STS: variants seen among roughly 807,000 people sequenced by gnomAD.
The protein encoded by STS is steryl-sulfatase.
In STS, 7 loss-of-function variants were observed where a neutral mutation model predicts 26.8. That is an observed-to-expected ratio of 0.26 (90% CI 0.15 to 0.49). STS has a LOEUF of 0.49. STS is among the 20% of genes least tolerant of loss of function. The probability of loss-of-function intolerance (pLI) is 0.98; values close to 1 mark genes in which losing one functional copy is unlikely to be tolerated. For missense variants in STS, 434 were observed against 465.6 expected (o/e 0.93, Z 0.63); for synonymous variants, 199 against 189.4 (o/e 1.05, Z -0.42).
At chrX:7,289,790 A>G (rs765503194) in intron 7 of STS, among the ~76,000 whole-genome samples, 2 of 111,443 alleles carry the variant, frequency 1.8e-5, no homozygotes, top group South Asian at 7.7e-4. Flanking sequence ...GACTATAAGC[A>G]TGTGCCACCA....
At chrX:7,254,188 A>G (rs775560120) in intron 3 of STS, among the ~76,000 whole-genome samples, 2 of 112,032 alleles carry the variant, frequency 1.8e-5, no homozygotes, top group Non-Finnish European at 3.8e-5. Flanking sequence ...CAGGAGAGGT[A>G]TCATGTTTTA....
At chrX:7,184,469 G>T (rs1177598235) in intron 1 of STS, among the ~76,000 whole-genome samples, 1 of 112,371 alleles carries the variant, frequency 8.9e-6, no homozygotes, top group East Asian at 2.8e-4. Flanking sequence ...CAAGACAGGG[G>T]CTTCTGTAAA....
At chrX:7,217,055 C>T (rs1193514282) in intron 2 of STS, among the ~76,000 whole-genome samples, 7 of 110,847 alleles carry the variant, frequency 6.3e-5, no homozygotes, top group Non-Finnish European at 9.4e-5. Flanking sequence ...TTCATAGCCA[C>T]GGAATAGGGT....
chrX:7,206,089 TG>T (rs1242351300), intron 2 of STS, among the ~76,000 whole-genome samples: 1 of 111,942 alleles, frequency 8.9e-6, no homozygotes, highest in Admixed American at 9.4e-5. Context: ...AAATGGGCTT[TG>T]CTCTGGGTTT....
intron 2 of STS, among the ~76,000 whole-genome samples, chrX:7,212,708 T>G: frequency 8.9e-6 from 1 of 111,861 alleles, no homozygotes; most frequent in East Asian, 2.8e-4. Flanking sequence ...ATTTTTTCCT[T>G]TCAAGGTAAT....
At chrX:7,315,113 G>A (rs751090855) in intron 8 of STS, among the ~76,000 whole-genome samples, 89 of 111,800 alleles carry the variant, frequency 8.0e-4, no homozygotes, top group Non-Finnish European at 1.3e-3. Context: ...ACAGTAATAC[G>A]CTTCATTGAT....
At chrX:7,187,949 A>G (rs1443507852) in intron 1 of STS, among the ~76,000 whole-genome samples, 2 of 111,947 alleles carry the variant, frequency 1.8e-5, no homozygotes, top group Non-Finnish European at 3.8e-5. Context: ...TGTGAGGATT[A>G]TAGATAAACA....
intron 7 of STS, among the ~76,000 whole-genome samples, chrX:7,286,978 T>C (rs1219988223): frequency 5.4e-5 from 6 of 112,085 alleles, no homozygotes; most frequent in Non-Finnish European, 9.4e-5. Context: ...TTCTATTGAT[T>C]GTCACTTTCA....
intron 7 of STS, among the ~76,000 whole-genome samples, chrX:7,294,756 C>G (rs1213462166): frequency 8.9e-6 from 1 of 111,822 alleles, no homozygotes; most frequent in Non-Finnish European, 1.9e-5. Flanking sequence ...AGCTTCTTGG[C>G]TGCATGAGAA....
intron 2 of STS, among the ~76,000 whole-genome samples, chrX:7,199,473 TCA>T (rs1436251566): frequency 1.8e-5 from 2 of 112,090 alleles, no homozygotes; most frequent in Non-Finnish European, 3.8e-5. Flanking sequence ...AATCGTGTTT[TCA>T]CAGTTTCCTC....
intron 2 of STS, among the ~76,000 whole-genome samples, chrX:7,209,619 AT>A (rs1258178630): frequency 9.4e-6 from 1 of 106,093 alleles, no homozygotes; most frequent in African/African-American, 3.4e-5. Context: ...TTTTATTTTT[AT>A]TTTTATTTTT....
At chrX:7,179,547 A>G (rs1203717523) in intron 1 of STS, among the ~76,000 whole-genome samples, 2 of 112,411 alleles carry the variant, frequency 1.8e-5, no homozygotes, top group Non-Finnish European at 3.7e-5. Context: ...TGGTACATGT[A>G]TTCACACCCA....
At chrX:7,265,334 G>C (rs1477341109) in intron 6 of STS, among the ~76,000 whole-genome samples, 2 of 112,203 alleles carry the variant, frequency 1.8e-5, no homozygotes, top group Non-Finnish European at 3.8e-5. Flanking sequence ...ACAATGGATA[G>C]TCAGAAATGA....
At chrX:7,195,115 T>C (rs1299484565) in intron 2 of STS, among the ~76,000 whole-genome samples, 1 of 112,441 alleles carries the variant, frequency 8.9e-6, no homozygotes, top group African/African-American at 3.2e-5. Context: ...AGTACATGAC[T>C]ATATTTATAA....
intron 6 of STS, 131 bp downstream of exon 6, chrX:7,259,903 T>C: frequency 1.2e-6 from 1 of 838,136 alleles, no homozygotes; most frequent in Non-Finnish European, 1.7e-6. Context: ...TGAGACAGAG[T>C]CTTGCTCTGT....
At chrX:7,239,819 G>GA (rs1424881125) in intron 2 of STS, among the ~76,000 whole-genome samples, 3 of 108,189 alleles carry the variant, frequency 2.8e-5, no homozygotes, top group African/African-American at 6.7e-5. Context: ...TTGTAGGAAA[G>GA]AAAAAGCAAA....
chrX:7,205,709 G>C lies in STS; in HGVS notation c.-5+14701G>C, dbSNP rs781394368. ...GCAAGGCACTCCTGGCTGGAGTGCA[G>C]TGATGCGATCATAGCAATCTCTTCC... is the stretch of plus-strand genomic sequence containing the variant. On this transcript the variant is annotated intron_variant, in intron 2 of 10. Transcript: ENST00000674429. Among the ~76,000 whole-genome samples the C allele has an allele frequency of 4.9e-5, 5 of 102,847 alleles. 1 individual carries two copies. The South Asian group carries it at 2.4e-3, about 49-fold the overall frequency. 89.3% of individuals were successfully genotyped at this position (102,847 alleles called of 115,157 possible).
rs761531076 is a variant in STS, at chrX:7,348,183, A to T, written c.1364-1705A>T. Among the ~76,000 whole-genome samples the T allele has an allele frequency of 3.1e-4, 34 of 111,313 alleles. 1 individual carries two copies. Among genetic ancestry groups the T allele is most frequent in the African/African-American group, 9.5e-4 (29 of 30,576 alleles). ...CGCTTTCCCTGTCTTTCTCAGCTTT[A>T]AAAAAAACCCACATACACAAAGAGG... On this transcript the variant is annotated intron_variant, in intron 10 of 10. Coordinates refer to ENST00000674429, the MANE Select transcript of STS (RefSeq NM_001320752.2).
At position 7,261,556 on chromosome X, in the gene STS, G is replaced by A. The variant is rs982775219; in HGVS notation, c.806+1784G>A. 2.7e-5 allele frequency among the ~76,000 whole-genome samples: 3 copies of A among 111,477 alleles called. No individual in the cohort carries two copies. In the East Asian group the frequency reaches 8.5e-4, roughly 32 times the overall value. On this transcript the variant is annotated intron_variant, in intron 6 of 10. Coordinates refer to ENST00000674429, the MANE Select transcript of STS (RefSeq NM_001320752.2). ...GTTGTCATTTCCTCACATGGAAGAT[G>A]TTGTGTTCCTCTGTCCAGATCTTGT...
Sources: allele counts gnomAD v4.1 joint callset (sites outside exome capture counted in the v4.1 genomes callset), GRCh38; gene constraint gnomAD v4.1.1; transcripts MANE v1.5; gene names NCBI Gene and HGNC (gene_info 2026-07-23, HGNC 2026-07-21).